The following ANKRD45 variants were observed in gnomAD, a reference collection of about 807,000 sequenced individuals.
ANKRD45 encodes ankyrin repeat domain 45.
Under a neutral mutation model 28.1 loss-of-function variants are expected in ANKRD45, and 21 were observed. The ratio of observed to expected loss-of-function variants is 0.75; its 90% CI spans 0.53 to 1.08. The LOEUF (loss-of-function observed/expected upper bound fraction) is 1.08. Among genes scored for constraint, ANKRD45 ranks in the 50% least tolerant of loss-of-function variants. The pLI, the probability that ANKRD45 is intolerant of heterozygous loss-of-function variation, is 0.00. For missense variants in ANKRD45, 261 were observed against 308.7 expected, an observed-to-expected ratio of 0.85 and a Z score of 1.16; for synonymous variants, 86 against 103.9, an observed-to-expected ratio of 0.83 and a Z score of 1.05.
the ANKRD45 span, among the ~76,000 whole-genome samples, chr1:173,689,367 G>A: frequency 3.1e-4 from 47 of 152,258 alleles, no homozygotes; most frequent in East Asian, 1.4e-3. Context: ...CTGTCTAGAC[G>A]TACCTGGGTT....
intron 3 of ANKRD45, among the ~76,000 whole-genome samples, chr1:173,632,670 GACCAAGT>G (rs1484125130): frequency 6.6e-6 from 1 of 151,898 alleles, no homozygotes; most frequent in Non-Finnish European, 1.5e-5. Flanking sequence ...CTATCATCAT[GACCAAGT>G]GACATTTATC....
chr1:173,609,028 C>G lies in ANKRD45; in HGVS notation c.*1117G>C, dbSNP rs1328092246. ...AGGGTAAAAAAAAAAAAGGAGCAAA[C>G]ACAGGTCTTCTTTGTACTGCTCCAT... On this transcript the variant is annotated 3_prime_UTR_variant, in exon 6 of 6. Transcript: ENST00000333279. Among the ~76,000 whole-genome samples the G allele has an allele frequency of 6.7e-6, 1 of 150,348 alleles. No individual in the cohort carries two copies. Among genetic ancestry groups the G allele is most frequent in the African/African-American group, 2.4e-5 (1 of 40,994 alleles).
chr1:173,660,644 T>G (rs962840346), intron 1 of ANKRD45, among the ~76,000 whole-genome samples: 1 of 152,204 alleles, frequency 6.6e-6, no homozygotes, highest in Non-Finnish European at 1.5e-5. Flanking sequence ...ATTCTCTCCC[T>G]GGCTCTTCTC....
At chr1:173,683,154 G>T in the ANKRD45 span, among the ~76,000 whole-genome samples, 2 of 152,026 alleles carry the variant, frequency 1.3e-5, no homozygotes, top group Non-Finnish European at 2.9e-5. Flanking sequence ...CAAAACAAAT[G>T]ATCACACAAC....
At chr1:173,637,695 TG>T (rs1668514527) in intron 3 of ANKRD45, among the ~76,000 whole-genome samples, 1 of 152,240 alleles carries the variant, frequency 6.6e-6, no homozygotes, top group South Asian at 2.1e-4. Context: ...TAAATTACCC[TG>T]TCTCTTTTGT....
the ANKRD45 span, among the ~76,000 whole-genome samples, chr1:173,686,942 C>T: frequency 1.3e-5 from 2 of 151,884 alleles, no homozygotes; most frequent in African/African-American, 4.8e-5. Flanking sequence ...CTTTTTTTAA[C>T]CTTTTATAAT....
Position 173,659,197 on chromosome 1 carries a change from G to A in ANKRD45, c.222C>T (p.Asp74=). The stretch of plus-strand genomic sequence containing the variant: ...CATACAACAAATTTCTCCCAACGAT[G>A]TCTTCTTCTAAGAGAAGCTGCATGG... ...EQAMQLLLEE[D]IVGRNLLYAA... Residue 74 remains aspartate (D), a synonymous_variant, in exon 2 of 6, where the codon GAC becomes GAT. Coordinates refer to ENST00000333279, the MANE Select transcript of ANKRD45 (RefSeq NM_198493.3). 6.2e-7 allele frequency: 1 copy of A among 1,614,108 alleles called. No homozygotes were observed. The highest frequency in any genetic ancestry group is 2.2e-5 in the East Asian group (1 of 44,876).
chr1:173,608,999 A>G lies in ANKRD45; in HGVS notation c.*1146T>C, dbSNP rs982623063. The stretch of plus-strand genomic sequence containing the variant: ...AGGGAAGGGAAAAGGGAGAAGGGAG[A>G]AGGAGGGTAAAAAAAAAAAAGGAGC... On this transcript the variant is annotated 3_prime_UTR_variant, in exon 6 of 6. Transcript: ENST00000333279. Among the ~76,000 whole-genome samples the G allele has an allele frequency of 4.1e-5, 6 of 147,540 alleles. No individual in the cohort carries two copies. Among genetic ancestry groups the G allele is most frequent in the African/African-American group, 1.5e-4 (6 of 39,532 alleles).
rs566989446 is a variant in ANKRD45, at chr1:173,608,464, C to T, written c.*1681G>A. ...TCCCAAGTCACTGGGATTACAGGCA[C>T]GTGCCACCACATACAGCTAAATTTT... On this transcript the variant is annotated 3_prime_UTR_variant, in exon 6 of 6. Coordinates refer to ENST00000333279, the MANE Select transcript of ANKRD45 (RefSeq NM_198493.3). Among the ~76,000 whole-genome samples, 6 of 152,068 alleles carry T rather than the reference C, an allele frequency of 3.9e-5. No homozygotes were observed. Among genetic ancestry groups the T allele is most frequent in the South Asian group, 2.1e-4 (1 of 4,800 alleles).
Position 173,612,023 on chromosome 1 carries a change from C to A in ANKRD45, c.731-1808G>T, listed in dbSNP as rs1043027419. ...CTTTGGGAGGCCGAGGCAAGTAGATCACTTGAGCCCAGGAGTTTGAGACCA... is the reference window on the plus strand; with the variant it reads ...CTTTGGGAGGCCGAGGCAAGTAGATAACTTGAGCCCAGGAGTTTGAGACCA... On this transcript the variant is annotated intron_variant, in intron 5 of 5. Transcript: ENST00000333279. Among the ~76,000 whole-genome samples, 4 of 152,058 alleles carry A rather than the reference C, an allele frequency of 2.6e-5. No individual in the cohort carries two copies. The East Asian group carries it at 7.7e-4, about 29-fold the overall frequency.
chr1:173,669,189 A>C (rs1012947548), intron 1 of ANKRD45, among the ~76,000 whole-genome samples: 1 of 152,184 alleles, frequency 6.6e-6, no homozygotes, highest in South Asian at 2.1e-4. Flanking sequence ...GGACATCTAC[A>C]TTCAATTCTG....
intron 5 of ANKRD45, among the ~76,000 whole-genome samples, chr1:173,611,602 C>T (rs1667157435): frequency 6.7e-6 from 1 of 148,466 alleles, no homozygotes; most frequent in Non-Finnish European, 1.5e-5. Context: ...CACACACACA[C>T]ACACACACAC....
In ANKRD45 at chr1:173,646,853, G is replaced by T; in HGVS notation, c.489C>A (p.Asp163Glu). 6.2e-7 allele frequency: 1 copy of T among 1,613,894 alleles called. No homozygotes were observed. Among genetic ancestry groups the T allele is most frequent in the Non-Finnish European group, 8.5e-7 (1 of 1,179,842 alleles). The change falls in exon 3 of 6, where the codon GAC (aspartate) becomes GAA (glutamate). Residue 163 changes from aspartate (D) to glutamate (E), a missense_variant. Physicochemically the swap from Asp to Glu is conservative, Grantham distance 45. Coordinates refer to ENST00000333279, the MANE Select transcript of ANKRD45 (RefSeq NM_198493.3). ...YSQTECVEFL[D>E]WADARLTLKK... ...CCTTGTGAGCTTCCTTACCTGCCCAGTCCAGGAATTCAACACACTCAGTCT... is the reference window on the plus strand; with the variant it reads ...CCTTGTGAGCTTCCTTACCTGCCCATTCCAGGAATTCAACACACTCAGTCT...
the ANKRD45 span, among the ~76,000 whole-genome samples, chr1:173,694,197 T>C: frequency 6.6e-6 from 1 of 152,070 alleles, no homozygotes; most frequent in Non-Finnish European, 1.5e-5. Context: ...AGAGTCTCAC[T>C]CTGTCACCCA....
chr1:173,676,090 G>A, the ANKRD45 span, among the ~76,000 whole-genome samples: 2 of 152,116 alleles, frequency 1.3e-5, no homozygotes, highest in African/African-American at 4.8e-5. Flanking sequence ...AAAGGTACGA[G>A]GCCAATTTTT....
At chr1:173,692,102 T>G in the ANKRD45 span, among the ~76,000 whole-genome samples, 2 of 151,954 alleles carry the variant, frequency 1.3e-5, no homozygotes, top group Admixed American at 6.6e-5. Flanking sequence ...TGAGTTAGGG[T>G]GGAGTAGGTA....
At chr1:173,702,190 C>G in the ANKRD45 span, among the ~76,000 whole-genome samples, 3 of 152,122 alleles carry the variant, frequency 2.0e-5, no homozygotes, top group African/African-American at 7.2e-5. Flanking sequence ...CCAAGAGTGG[C>G]TCTCTGGCTT....
intron 2 of ANKRD45, 147 bp downstream of exon 2, chr1:173,658,944 A>G: frequency 8.7e-7 from 1 of 1,148,838 alleles, no homozygotes; most frequent in Non-Finnish European, 1.2e-6. Flanking sequence ...ATTTACATGT[A>G]TACACATACA....
the ANKRD45 span, among the ~76,000 whole-genome samples, chr1:173,688,814 T>C: frequency 6.6e-6 from 1 of 151,570 alleles, no homozygotes; most frequent in Admixed American, 6.6e-5. Flanking sequence ...TTTCTGCCTC[T>C]TTCCTCTCTG....
Sources: gnomAD v4.1 joint callset for allele counts (sites outside exome capture counted in the v4.1 genomes callset) on GRCh38, gnomAD v4.1.1 for gene constraint, MANE v1.5 for transcripts, NCBI Gene and HGNC (gene_info 2026-07-23, HGNC 2026-07-21) for gene names.